IMPG2: variants seen among roughly 807,000 people sequenced by gnomAD.
IMPG2 encodes the protein IPM 200.
IMPG2 carries 91 observed loss-of-function variants against 129.2 expected under a neutral mutation model. That is an observed-to-expected ratio of 0.70 (90% CI 0.59 to 0.84). The LOEUF is 0.84. Ranked by LOEUF, IMPG2 falls within the 40% of genes least tolerant of loss-of-function variation. The pLI is 0.00. For missense variants in IMPG2, 1,430 were observed against 1,461.7 expected, an observed-to-expected ratio of 0.98 and a Z score of 0.35; for synonymous variants, 510 against 517.7, an observed-to-expected ratio of 0.99 and a Z score of 0.20.
chr3:101,283,073 A>G (rs1706909174), intron 4 of IMPG2, among the ~76,000 whole-genome samples: 1 of 152,170 alleles, frequency 6.6e-6, no homozygotes, highest in Non-Finnish European at 1.5e-5. Flanking sequence ...CCCAGGCTGG[A>G]GTGCAGTGGC....
chr3:101,311,308 A>G (rs1576773177), intron 2 of IMPG2, among the ~76,000 whole-genome samples: 1 of 152,282 alleles, frequency 6.6e-6, no homozygotes, highest in East Asian at 1.9e-4. Flanking sequence ...GCTTGTATCT[A>G]GGAAAGCCTA....
At chr3:101,295,784 T>C (rs1320959217) in intron 3 of IMPG2, among the ~76,000 whole-genome samples, 1 of 152,202 alleles carries the variant, frequency 6.6e-6, no homozygotes, top group Non-Finnish European at 1.5e-5. Context: ...TTCACATACC[T>C]TGTTAGCTGT....
chr3:101,269,570 CA>C lies in IMPG2; in HGVS notation c.831del (p.Glu278LysfsTer28). On this transcript the variant is annotated frameshift_variant and splice_region_variant, in exon 8 of 19. Transcript: ENST00000193391. LOFTEE classifies it high-confidence loss of function. ...QHLEEEFISEVENAFTGLPGY... is the reference protein window; with the variant it reads ...QHLEEEFISEXENAFTGLPGY... The stretch of plus-strand genomic sequence containing the variant: ...CCTGGTAACCCAGTAAATGCATTTT[CA>C]ACCTGTTAAAAGTACAAATAAAAAT... 1 of 1,574,294 alleles carries C rather than the reference CA, an allele frequency of 6.4e-7. No homozygotes were observed. The highest frequency in any genetic ancestry group is 8.7e-7 in the Non-Finnish European group (1 of 1,144,282).
intron 3 of IMPG2, 66 bp from the exon 4 acceptor site, chr3:101,291,576 A>T: frequency 8.3e-7 from 1 of 1,206,018 alleles, no homozygotes; most frequent in South Asian, 1.2e-5. Context: ...AATAAAACTT[A>T]TTTCATAGAG....
At chr3:101,242,962 A>G in intron 13 of IMPG2, 55 bp from the exon 14 acceptor site, 2 of 1,405,646 alleles carry the variant, frequency 1.4e-6, no homozygotes, top group Non-Finnish European at 2.0e-6. Flanking sequence ...TTTGTTCAAT[A>G]CATACCCAAA....
chr3:101,293,126 G>C (rs746803918), intron 3 of IMPG2, among the ~76,000 whole-genome samples: 1 of 152,122 alleles, frequency 6.6e-6, no homozygotes, highest in Non-Finnish European at 1.5e-5. Context: ...CATGAATGTT[G>C]TCAGTGCCAT....
intron 4 of IMPG2, among the ~76,000 whole-genome samples, chr3:101,286,081 C>A (rs186779980): frequency 3.9e-5 from 6 of 152,124 alleles, no homozygotes; most frequent in African/African-American, 1.4e-4. Flanking sequence ...AAATTCTCTA[C>A]GCCATAATTT....
chr3:101,263,413 C>T (rs534335350), intron 9 of IMPG2, among the ~76,000 whole-genome samples: 229 of 152,056 alleles, frequency 1.5e-3, no homozygotes, highest in African/African-American at 5.3e-3. Context: ...AAATTTAAAA[C>T]TATACCAATA....
chr3:101,311,733 G>C (rs918223560), intron 2 of IMPG2, among the ~76,000 whole-genome samples: 1 of 152,086 alleles, frequency 6.6e-6, no homozygotes, highest in African/African-American at 2.4e-5. Flanking sequence ...ATGTGGAATT[G>C]CAAGGGACCT....
intron 14 of IMPG2, among the ~76,000 whole-genome samples, chr3:101,234,885 A>G (rs1336491146): frequency 6.6e-6 from 1 of 152,232 alleles, no homozygotes; most frequent in Non-Finnish European, 1.5e-5. Flanking sequence ...AACTAAAAAT[A>G]TAAGATTGAA....
At chr3:101,284,565 C>CAA (rs59576034) in intron 4 of IMPG2, among the ~76,000 whole-genome samples, 2,367 of 151,008 alleles carry the variant, frequency 0.016, 51 homozygotes, top group African/African-American at 0.047. Flanking sequence ...ATATGAACAA[C>CAA]AAAAAAAAAC....
chr3:101,317,503 C>T (rs1007605740), intron 2 of IMPG2, among the ~76,000 whole-genome samples: 1 of 152,068 alleles, frequency 6.6e-6, no homozygotes, highest in South Asian at 2.1e-4. Context: ...TGAATAACTC[C>T]CTCCCTCTAA....
chr3:101,243,553 G>T lies in IMPG2; in HGVS notation c.2778C>A (p.Ala926=). 1 of 1,613,702 alleles carries T rather than the reference G, an allele frequency of 6.2e-7. No individual in the cohort carries two copies. Residue 926 remains alanine (A), a synonymous_variant, in exon 13 of 19, where the codon GCC becomes GCA. Transcript: ENST00000193391. The stretch of plus-strand genomic sequence containing the variant: ...CCAATTCTAAGAATCTTTGCTCCAG[G>T]GCTTTATACTCCAAGGAGTTTTTAT... ...LFNKNSLEYK[A]LEQRFLELLV... is the part of the protein sequence containing the mutation.
chr3:101,283,582 A>G (rs995476648), intron 4 of IMPG2, among the ~76,000 whole-genome samples: 1 of 152,232 alleles, frequency 6.6e-6, no homozygotes, highest in Non-Finnish European at 1.5e-5. Context: ...AGTATACAGT[A>G]GATGGCCAGA....
At chr3:101,308,248 T>A (rs541651532) in intron 2 of IMPG2, among the ~76,000 whole-genome samples, 1 of 150,276 alleles carries the variant, frequency 6.7e-6, no homozygotes, top group African/African-American at 2.5e-5. Context: ...TTCTCATAGC[T>A]CCACTAGTCA....
rs973568645 is a variant in IMPG2 at position 101,276,349 on chromosome 3, G to C, written c.583+315C>G. Among the ~76,000 whole-genome samples, 5 of 152,122 alleles carry C rather than the reference G, an allele frequency of 3.3e-5. No individual in the cohort carries two copies. The South Asian group carries it at 1.0e-3, about 32-fold the overall frequency. Reference sequence around the variant, plus strand: ...GAATGACAAATGGTGGCGTTAGAATGGTTCTACGTTTTGACATTAGTGGTG... The same window carrying C: ...GAATGACAAATGGTGGCGTTAGAATCGTTCTACGTTTTGACATTAGTGGTG... On this transcript the variant is annotated intron_variant, in intron 5 of 18. Transcript: ENST00000193391.
At chr3:101,309,315 C>G (rs1047460911) in intron 2 of IMPG2, among the ~76,000 whole-genome samples, 2 of 152,120 alleles carry the variant, frequency 1.3e-5, no homozygotes, top group Non-Finnish European at 2.9e-5. Context: ...CATTCTCATG[C>G]TGCTGTGGAG....
chr3:101,270,383 C>T (rs1706769283), intron 7 of IMPG2, among the ~76,000 whole-genome samples: 1 of 152,134 alleles, frequency 6.6e-6, no homozygotes, highest in Non-Finnish European at 1.5e-5. Flanking sequence ...AACACCCAGA[C>T]GAGAGGCCTT....
intron 9 of IMPG2, among the ~76,000 whole-genome samples, chr3:101,260,179 TG>T (rs1706654928): frequency 6.6e-6 from 1 of 152,142 alleles, no homozygotes; most frequent in South Asian, 2.1e-4. Flanking sequence ...GCCTCTTGGA[TG>T]TTCCTGTCTT....
Sources: gnomAD v4.1 joint callset for allele counts (sites outside exome capture counted in the v4.1 genomes callset) on GRCh38, gnomAD v4.1.1 for gene constraint, MANE v1.5 for transcripts, NCBI Gene and HGNC (gene_info 2026-07-23, HGNC 2026-07-21) for gene names.